The following PPM1G variants were observed in gnomAD, a reference collection of about 807,000 sequenced individuals.
PPM1G encodes the protein protein phosphatase, Mg2+/Mn2+ dependent 1G, also known as protein phosphatase 1G.
PPM1G carries 12 observed loss-of-function variants against 59.4 expected under a neutral mutation model. The observed-to-expected ratio is 0.20, with a 90% confidence interval of 0.13 to 0.33. PPM1G has a LOEUF of 0.33. PPM1G is among the 10% of genes least tolerant of loss of function. The pLI, the probability that PPM1G is intolerant of heterozygous loss-of-function variation, is 1.00. For synonymous variants in PPM1G, 245 were observed against 251.9 expected (o/e 0.97, Z 0.26); for missense variants, 392 against 681.3 (o/e 0.58, Z 4.73).
At chr2:27,407,719 G>A (rs1490223180) in intron 1 of PPM1G, among the ~76,000 whole-genome samples, 4 of 152,164 alleles carry the variant, frequency 2.6e-5, no homozygotes, top group South Asian at 4.1e-4. Context: ...CCAAAACAGT[G>A]TCCTAACCTT....
chr2:27,386,446 A>G, intron 2 of PPM1G, 167 bp from the exon 3 acceptor site: 1 of 484,630 alleles, frequency 2.1e-6, no homozygotes, highest in Non-Finnish European at 3.7e-6. Context: ...TTCTGATCCA[A>G]AAAAATGGAT....
chr2:27,385,674 G>C lies in PPM1G; in HGVS notation c.409+73C>G. The C allele has an allele frequency of 6.5e-7, 1 of 1,550,196 alleles. No individual in the cohort carries two copies. Among genetic ancestry groups the C allele is most frequent in the Non-Finnish European group, 8.7e-7 (1 of 1,151,346 alleles). ...GTCCCTAGAAAGCCATCCTATCTTA[G>C]AATTGATAAGTAATATTAAAGAATA... On this transcript the variant is annotated intron_variant, in intron 4 of 9. Transcript: ENST00000344034. The surrounding 1 kb of genome is among the most constrained non-coding windows in gnomAD (Gnocchi z 4.1).
At chr2:27,409,269 G>T in intron 1 of PPM1G, 34 bp downstream of exon 1, 1 of 1,543,576 alleles carries the variant, frequency 6.5e-7, no homozygotes, top group African/African-American at 1.4e-5. Flanking sequence ...TTCCCGCCCC[G>T]CAGCGGCCAG....
At chr2:27,396,333 A>C (rs972521793) in intron 1 of PPM1G, among the ~76,000 whole-genome samples, 2 of 152,138 alleles carry the variant, frequency 1.3e-5, no homozygotes, top group Non-Finnish European at 1.5e-5. Flanking sequence ...TTCCACTTAC[A>C]GTATGAAGTA....
Position 27,384,715 on chromosome 2 carries a change from C to T in PPM1G, c.783G>A (p.Glu261=). ...CTTCCTCCGCCTCATCTGACTCATC[C>T]TCACTGTCCTCAAAGAACTTGGACT... The part of the protein sequence containing the change: ...VAKSKFFEDS[E]DESDEAEEEE... Residue 261 remains glutamate, a synonymous_variant, in exon 5 of 10, where the codon GAG becomes GAA. Coordinates refer to ENST00000344034, the MANE Select transcript of PPM1G (RefSeq NM_177983.3). This position sits in a 1 kb window ranked among gnomAD's most constrained non-coding sequence, Gnocchi z 4.8. 6.2e-7 allele frequency: 1 copy of T among 1,613,858 alleles called. No individual in the cohort carries two copies. The highest frequency in any genetic ancestry group is 8.5e-7 in the Non-Finnish European group (1 of 1,179,724).
Position 27,393,252 on chromosome 2 carries a change from G to T in PPM1G, c.121-6094C>A, listed in dbSNP as rs1428406469. ...CACATCATCGCTGTCAAAGTAGTAAGCCACGCACAGGTAAATGGAGGAGGC... is the reference window on the plus strand; with the variant it reads ...CACATCATCGCTGTCAAAGTAGTAATCCACGCACAGGTAAATGGAGGAGGC... On this transcript the variant is annotated intron_variant, in intron 1 of 9. Transcript: ENST00000344034. 4.4e-6 allele frequency: 7 copies of T among 1,583,278 alleles called. No individual in the cohort carries two copies. In the Admixed American group the frequency reaches 1.2e-4, roughly 26 times the overall value.
chr2:27,397,283 A>G (rs1684072913), intron 1 of PPM1G, among the ~76,000 whole-genome samples: 1 of 149,582 alleles, frequency 6.7e-6, no homozygotes. Context: ...ATTAATACCA[A>G]TGATTCACAA....
chr2:27,382,511 G>A lies in PPM1G; in HGVS notation c.1296C>T (p.Asp432=). Reference sequence around the variant, plus strand: ...CACAGGCAATGACCATGAATTCATGGTCGTCAGTGAGAGTCAGCACCTTGA... The same window carrying A: ...CACAGGCAATGACCATGAATTCATGATCGTCAGTGAGAGTCAGCACCTTGA... The part of the protein sequence containing the change: ...PDIKVLTLTD[D]HEFMVIACDG... The change falls in exon 8 of 10, where the codon GAC becomes GAT. Residue 432 remains aspartate (D), a synonymous_variant. Coordinates refer to ENST00000344034, the MANE Select transcript of PPM1G (RefSeq NM_177983.3). This position sits in a 1 kb window ranked among gnomAD's most constrained non-coding sequence, Gnocchi z 4.2. 2 of 1,614,200 alleles carry A rather than the reference G, an allele frequency of 1.2e-6. No homozygotes were observed. Among genetic ancestry groups the A allele is most frequent in the South Asian group, 1.1e-5 (1 of 91,084 alleles).
chr2:27,382,808 TTTTTA>T lies in PPM1G; in HGVS notation c.1202-208_1202-204del, dbSNP rs148463656. Among the ~76,000 whole-genome samples the T allele has an allele frequency of 0.011, 1,687 of 150,180 alleles. 35 individuals carry two copies. The highest frequency in any genetic ancestry group is 0.039 in the African/African-American group (1,583 of 40,400). The stretch of plus-strand genomic sequence containing the variant: ...ACCTTAAGAAAGTCACTCACTGGTC[TTTTTA>T]TTTTAAGTCTTTTTTGTTTTTTTTT... On this transcript the variant is annotated intron_variant, in intron 7 of 9. Coordinates refer to ENST00000344034, the MANE Select transcript of PPM1G (RefSeq NM_177983.3). The surrounding 1 kb of genome is among the most constrained non-coding windows in gnomAD (Gnocchi z 4.2).
intron 3 of PPM1G, 127 bp downstream of exon 3, chr2:27,386,067 G>C: frequency 1.6e-6 from 2 of 1,243,812 alleles, no homozygotes. Context: ...CTCGTTTTAG[G>C]AACAGAATTC....
chr2:27,396,734 G>A (rs1249117619), intron 1 of PPM1G, among the ~76,000 whole-genome samples: 1 of 151,248 alleles, frequency 6.6e-6, no homozygotes, highest in East Asian at 2.0e-4. Context: ...AGAATCTCTT[G>A]AGCCCAGGTG....
In PPM1G at chr2:27,383,441, G is replaced by A; in HGVS notation, c.1126C>T (p.Arg376Cys). Reference protein sequence around the residue: ...HKPEDEVELARIKNAGGKVTM... With the variant: ...HKPEDEVELACIKNAGGKVTM... ...ACCTTGCCACCAGCATTCTTGATGC[G>A]TGCTAGTTCTACTTCATCCTCTGGT... Residue 376 changes from arginine to cysteine, a missense_variant, in exon 7 of 10, where the codon CGC becomes TGC. By Grantham distance (180) the Arg-to-Cys change is radical. This residue lies in a region of PPM1G where 53 missense variants were observed against 175.4 expected (regional missense o/e 0.30). Transcript: ENST00000344034. The surrounding 1 kb of genome is among the most constrained non-coding windows in gnomAD (Gnocchi z 5.0). 1.2e-6 allele frequency: 2 copies of A among 1,614,134 alleles called. No homozygotes were observed. The highest frequency in any genetic ancestry group is 1.7e-6 in the Non-Finnish European group (2 of 1,180,036).
intron 1 of PPM1G, chr2:27,393,450 G>A (rs1216718696): frequency 2.2e-6 from 2 of 889,312 alleles, no homozygotes; most frequent in African/African-American, 1.6e-5. Flanking sequence ...GGGGCAGTCC[G>A]AGGGCATGGT....
In PPM1G at chr2:27,386,248, A is replaced by G; in HGVS notation, c.222T>C (p.Tyr74=). ...TCTGATCTTTGATGATATCAGGAAG[A>G]TATTTGGCACAGTACAAGGCAACTT... ...GEEVALYCAK[Y]LPDIIKDQKA... is the part of the protein sequence containing the mutation. The change falls in exon 3 of 10, where the codon TAT becomes TAC. Residue 74 remains tyrosine (Y), a synonymous_variant. Coordinates refer to ENST00000344034, the MANE Select transcript of PPM1G (RefSeq NM_177983.3). The G allele has an allele frequency of 6.2e-7, 1 of 1,613,968 alleles. No homozygotes were observed. The highest frequency in any genetic ancestry group is 1.1e-5 in the South Asian group (1 of 91,078).
intron 1 of PPM1G, among the ~76,000 whole-genome samples, chr2:27,387,791 T>TA (rs561304177): frequency 3.1e-4 from 47 of 151,956 alleles, no homozygotes; most frequent in African/African-American, 1.1e-3. Flanking sequence ...CAGCTTTATT[T>TA]ATTTATTTAT....
At position 27,384,027 on chromosome 2, in the gene PPM1G, G is replaced by A; in HGVS notation, c.891C>T (p.Asp297=). ...EEAENEEDED[D]TEEAEEDDEE... ...CATCGTCCTCTTCAGCCTCCTCGGT[G>A]TCATCCTCATCTTCCTCATTCTCTG... Residue 297 remains aspartate (D), a synonymous_variant, in exon 6 of 10, where the codon GAC becomes GAT. Transcript: ENST00000344034. The surrounding 1 kb of genome is among the most constrained non-coding windows in gnomAD (Gnocchi z 4.8). 2 of 1,606,124 alleles carry A rather than the reference G, an allele frequency of 1.2e-6. No individual in the cohort carries two copies. The highest frequency in any genetic ancestry group is 1.7e-6 in the Non-Finnish European group (2 of 1,176,186).
chr2:27,395,300 G>A (rs772253058), intron 1 of PPM1G, among the ~76,000 whole-genome samples: 2 of 151,744 alleles, frequency 1.3e-5, no homozygotes, highest in Admixed American at 6.6e-5. Context: ...GGGAGGCTGA[G>A]GGGAGCAGAT....
intron 1 of PPM1G, among the ~76,000 whole-genome samples, chr2:27,392,468 T>C (rs1558318899): frequency 6.6e-6 from 1 of 151,720 alleles, no homozygotes; most frequent in Non-Finnish European, 1.5e-5. Flanking sequence ...CTAGTTTTTA[T>C]ATTTTTAGTA....
Position 27,381,743 on chromosome 2 carries a change from G to T in PPM1G, c.1497C>A (p.Thr499=), listed in dbSNP as rs772129314. ...SGDGTGCDNM[T]CIIICFKPRN... Reference sequence around the variant, plus strand: ...GGGGCTTGAAGCAAATGATGATGCAGGTCATGTTGTCACACCCTGTACCAT... The same window carrying T: ...GGGGCTTGAAGCAAATGATGATGCATGTCATGTTGTCACACCCTGTACCAT... The change falls in exon 10 of 10, where the codon ACC becomes ACA. Residue 499 remains threonine, a synonymous_variant. Transcript: ENST00000344034. 1.2e-6 allele frequency: 2 copies of T among 1,613,786 alleles called. No individual in the cohort carries two copies. The highest frequency in any genetic ancestry group is 4.5e-5 in the East Asian group (2 of 44,866).
Sources: gnomAD v4.1 joint callset for allele counts (sites outside exome capture counted in the v4.1 genomes callset) on GRCh38, gnomAD v4.1.1 for gene constraint, gnomAD v4.1.1 regional missense constraint, Gnocchi (gnomAD v3.1) non-coding constraint, MANE v1.5 for transcripts, NCBI Gene and HGNC (gene_info 2026-07-23, HGNC 2026-07-21) for gene names.